NOD1: variants seen among roughly 807,000 people sequenced by gnomAD.
NOD1 encodes the protein nucleotide-binding oligomerization domain-containing protein 1.
In NOD1, 70 loss-of-function variants were observed where a neutral mutation model predicts 81.2. That is an observed-to-expected ratio of 0.86 (90% confidence interval 0.71 to 1.05). The LOEUF (loss-of-function observed/expected upper bound fraction) is 1.05. Among genes scored for constraint, NOD1 ranks in the 50% least tolerant of loss-of-function variants. The probability of loss-of-function intolerance (pLI) is 0.00; values close to 1 mark genes in which losing one functional copy is unlikely to be tolerated. For missense variants in NOD1, 1,233 were observed against 1,228.0 expected, an observed-to-expected ratio of 1.00 and a Z score of -0.06; for synonymous variants, 508 against 526.9, an observed-to-expected ratio of 0.96 and a Z score of 0.49.
chr7:30,455,039 C>T (rs1350539281), intron 5 of NOD1, 98 bp downstream of exon 5: 2 of 1,189,922 alleles, frequency 1.7e-6, no homozygotes, highest in Non-Finnish European at 2.4e-6. Context: ...CCTGGGCCTG[C>T]TTCCTGAGGT....
At chr7:30,470,438 A>C (rs570161294) in intron 1 of NOD1, among the ~76,000 whole-genome samples, 2 of 152,332 alleles carry the variant, frequency 1.3e-5, no homozygotes, top group South Asian at 4.1e-4. Context: ...GGAACCGTCG[A>C]ATGAATGAAT....
At chr7:30,426,435 G>A (rs1783461797) in intron 13 of NOD1, among the ~76,000 whole-genome samples, 1 of 151,152 alleles carries the variant, frequency 6.6e-6, no homozygotes, top group Non-Finnish European at 1.5e-5. Context: ...ATGCCTCCCT[G>A]GAACCTCTAT....
At chr7:30,434,087 C>T (rs1286464269) in intron 11 of NOD1, among the ~76,000 whole-genome samples, 6 of 152,162 alleles carry the variant, frequency 3.9e-5, no homozygotes, top group Admixed American at 2.6e-4. Context: ...GGGAGAAGAA[C>T]ACAGCATTGA....
At chr7:30,460,497 A>C in intron 1 of NOD1, 3 of 985,388 alleles carry the variant, frequency 3.0e-6, no homozygotes, top group Non-Finnish European at 3.6e-6. Context: ...GTGCAGACCA[A>C]TGGGGACTGA....
At chr7:30,446,838 A>C (rs1030456866) in intron 8 of NOD1, 129 bp downstream of exon 8, 6 of 731,450 alleles carry the variant, frequency 8.2e-6, no homozygotes, top group Middle Eastern at 2.5e-4. Flanking sequence ...TCTTTACTTG[A>C]CCAACATGGC....
intron 1 of NOD1, among the ~76,000 whole-genome samples, chr7:30,477,216 A>G (rs946022619): frequency 6.6e-6 from 1 of 152,254 alleles, no homozygotes; most frequent in Non-Finnish European, 1.5e-5. Context: ...CAATATTTGA[A>G]AGAGCCCTCT....
Position 30,453,001 on chromosome 7 carries a change from C to T in NOD1, c.416G>A (p.Arg139His), listed in dbSNP as rs549088103. The T allele has an allele frequency of 9.9e-6, 16 of 1,613,442 alleles. No individual in the cohort carries two copies. The highest frequency in any genetic ancestry group is 4.0e-5 in the African/African-American group (3 of 75,060). The change falls in exon 6 of 14, where the codon CGT becomes CAT. Residue 139 changes from arginine to histidine, a missense_variant. Arg to His is a conservative substitution (Grantham distance 29). Coordinates refer to ENST00000222823, the MANE Select transcript of NOD1 (RefSeq NM_006092.4). Reference protein sequence around the residue: ...YTQQLRHHLGRDSKFVLCYAQ... With the variant: ...YTQQLRHHLGHDSKFVLCYAQ... ...ATAGCACAGCACGAACTTGGAGTCA[C>T]GGCCCAGATGGTGTCGCAGCTGCTG... is the stretch of plus-strand genomic sequence containing the variant.
rs2906766 is a variant in NOD1, at chr7:30,459,959, T to C, written c.-269A>G. On this transcript the variant is annotated 5_prime_UTR_variant, in exon 2 of 14. Coordinates refer to ENST00000222823, the MANE Select transcript of NOD1 (RefSeq NM_006092.4). ...AAAAACAGCAACTTGTCTTCCCAGA[T>C]GTTTTCTGTAATCGCCGCCACAATC... 58,012 of 152,716 alleles carry C rather than the reference T, an allele frequency of 0.38. 11,924 individuals are homozygous for C. The highest frequency in any genetic ancestry group is 0.54 in the African/African-American group (22,342 of 41,466). The allele number at this position is 152,716 out of a possible 1,614,324, so 9.5% of individuals were successfully genotyped here.
chr7:30,471,130 T>C (rs914114050), intron 1 of NOD1, among the ~76,000 whole-genome samples: 1 of 149,344 alleles, frequency 6.7e-6, no homozygotes, highest in Non-Finnish European at 1.5e-5. Context: ...TGAACATGTA[T>C]ACAGAGTCAG....
intron 4 of NOD1, 144 bp downstream of exon 4, chr7:30,456,577 G>A (rs1432689026): frequency 3.0e-6 from 2 of 665,834 alleles, no homozygotes; most frequent in African/African-American, 3.6e-5. Flanking sequence ...GCTAACCCAG[G>A]CATTTGTGTG....
chr7:30,451,533 C>CA lies in NOD1; in HGVS notation c.1883dup (p.Arg629AlafsTer114). The CA allele has an allele frequency of 6.2e-7, 1 of 1,613,138 alleles. No individual in the cohort carries two copies. The highest frequency in any genetic ancestry group is 8.5e-7 in the Non-Finnish European group (1 of 1,179,722). On this transcript the variant is annotated frameshift_variant, in exon 6 of 14. Coordinates refer to ENST00000222823, the MANE Select transcript of NOD1 (RefSeq NM_006092.4). LOFTEE classifies it high-confidence loss of function. The surrounding 1 kb of genome is among the most constrained non-coding windows in gnomAD (Gnocchi z 4.2). ...GGGGCAGGCTCTTCAGGTAGCCCCGCAGGCTGGAAAACAGGTGTGCCCACA... is the reference window on the plus strand; with the variant it reads ...GGGGCAGGCTCTTCAGGTAGCCCCGCAAGGCTGGAAAACAGGTGTGCCCACA...
chr7:30,453,016 C>A lies in NOD1; in HGVS notation c.401G>T (p.Arg134Leu). Residue 134 changes from arginine to leucine, a missense_variant, in exon 6 of 14, where the codon CGA becomes CTA. Physicochemically the swap from Arg to Leu is moderately radical, Grantham distance 102. Transcript: ENST00000222823. ...CTTGGAGTCACGGCCCAGATGGTGT[C>A]GCAGCTGCTGGGTATACCTGCTCAC... The part of the protein sequence containing the change: ...DPVSRYTQQL[R>L]HHLGRDSKFV... 1.9e-6 allele frequency: 3 copies of A among 1,611,260 alleles called. No homozygotes were observed. The South Asian group carries it at 3.3e-5, about 18-fold the overall frequency.
intron 9 of NOD1, among the ~76,000 whole-genome samples, chr7:30,439,199 G>A (rs1480246913): frequency 6.6e-6 from 1 of 152,212 alleles, no homozygotes; most frequent in East Asian, 1.9e-4. Context: ...AAATTACCAT[G>A]TGATCCAGCA....
rs186650351 is a variant in NOD1, at chr7:30,426,938, G to A, written c.2790-1228C>T. On this transcript the variant is annotated intron_variant, in intron 13 of 13. Coordinates refer to ENST00000222823, the MANE Select transcript of NOD1 (RefSeq NM_006092.4). The stretch of plus-strand genomic sequence containing the variant: ...CTTCCCTGCAACCTCATCTAAATCA[G>A]GTTCCCTCTTGGCCTTCCCCTTTGT... Among the ~76,000 whole-genome samples the A allele has an allele frequency of 1.1e-4, 17 of 152,272 alleles. No individual in the cohort carries two copies. The East Asian group carries it at 2.7e-3, about 24-fold the overall frequency.
intron 2 of NOD1, among the ~76,000 whole-genome samples, chr7:30,459,441 G>A (rs911886436): frequency 9.9e-5 from 15 of 152,214 alleles, no homozygotes; most frequent in African/African-American, 2.6e-4. Flanking sequence ...CCATAATTGA[G>A]TCACACCTGT....
rs1014147425 is a variant in NOD1, at chr7:30,451,384, T to C, written c.2033A>G (p.Asn678Ser). 10 of 1,614,016 alleles carry C rather than the reference T, an allele frequency of 6.2e-6. No individual in the cohort carries two copies. The highest frequency in any genetic ancestry group is 8.5e-6 in the Non-Finnish European group (10 of 1,180,040). Residue 678 changes from asparagine (N) to serine (S), a missense_variant, in exon 6 of 14, where the codon AAC becomes AGC. Physicochemically the swap from Asn to Ser is conservative, Grantham distance 46 (BLOSUM62 1). Transcript: ENST00000222823. This position sits in a 1 kb window ranked among gnomAD's most constrained non-coding sequence, Gnocchi z 4.2. ...GTTGCAGTAGGTCAGCTTGAGGTAG[T>C]TGGCGCAGATGCCCCTGGCCGCCAG... Reference protein sequence around the residue: ...GQLAARGICANYLKLTYCNAC... With the variant: ...GQLAARGICASYLKLTYCNAC...
chr7:30,436,048 T>G lies in NOD1; in HGVS notation c.2571A>C (p.Gly857=). Reference sequence around the variant, plus strand: ...GCTGCAGGGCCCTCGCAAGGCTCTTTCCTCCTTCTGTGGAGATGCCGTTGG... The same window carrying G: ...GCTGCAGGGCCCTCGCAAGGCTCTTGCCTCCTTCTGTGGAGATGCCGTTGG... ...LASNGISTEG[G]KSLARALQQN... Residue 857 remains glycine (G), a synonymous_variant, in exon 11 of 14, where the codon GGA becomes GGC. Transcript: ENST00000222823. The G allele has an allele frequency of 6.2e-7, 1 of 1,614,220 alleles. No homozygotes were observed. Among genetic ancestry groups the G allele is most frequent in the Non-Finnish European group, 8.5e-7 (1 of 1,180,018 alleles).
rs1785654371 is a variant in NOD1 at position 30,451,170 on chromosome 7, T to A, written c.2201+46A>T. The A allele has an allele frequency of 6.3e-7, 1 of 1,585,004 alleles. No homozygotes were observed. On this transcript the variant is annotated intron_variant, in intron 6 of 13. Transcript: ENST00000222823. The surrounding 1 kb of genome is among the most constrained non-coding windows in gnomAD (Gnocchi z 4.2). ...TGCCATTCCCGATGCCCTCCGAGCC[T>A]GGCCCGCCCGGCCCACCTGTTGCTC...
chr7:30,451,364 A>C lies in NOD1; in HGVS notation c.2053T>G (p.Cys685Gly). The change falls in exon 6 of 14, where the codon TGC becomes GGC. Residue 685 changes from cysteine (C) to glycine (G), a missense_variant. Physicochemically the swap from Cys to Gly is radical, Grantham distance 159. Coordinates refer to ENST00000222823, the MANE Select transcript of NOD1 (RefSeq NM_006092.4). The surrounding 1 kb of genome is among the most constrained non-coding windows in gnomAD (Gnocchi z 4.2). ...ICANYLKLTY[C>G]NACSADCSAL... is the part of the protein sequence containing the mutation. ...CTGCAGTCGGCCGAGCAGGCGTTGC[A>C]GTAGGTCAGCTTGAGGTAGTTGGCG... 2 of 1,614,198 alleles carry C rather than the reference A, an allele frequency of 1.2e-6. No homozygotes were observed. The highest frequency in any genetic ancestry group is 1.7e-6 in the Non-Finnish European group (2 of 1,180,046).
Sources: allele counts gnomAD v4.1 joint callset (sites outside exome capture counted in the v4.1 genomes callset), GRCh38; gene constraint gnomAD v4.1.1; non-coding constraint Gnocchi (gnomAD v3.1); transcripts MANE v1.5; gene names NCBI Gene and HGNC (gene_info 2026-07-23, HGNC 2026-07-21).